Variants in STARD9 observed in about 807,000 individuals in gnomAD.
STARD9 encodes the protein StAR related lipid transfer domain containing 9.
In STARD9, 346 loss-of-function variants were observed where a neutral mutation model predicts 399.8. The ratio of observed to expected loss-of-function variants is 0.87; its 90% CI spans 0.79 to 0.95. The LOEUF (loss-of-function observed/expected upper bound fraction) is 0.95, where lower values mean the gene tolerates loss of function less well. Among genes scored for constraint, STARD9 ranks in the 40% least tolerant of loss-of-function variants. STARD9 has a pLI of 0.00. For missense variants in STARD9, 5,832 were observed against 5,667.5 expected (o/e 1.03, Z -0.93); for synonymous variants, 2,203 against 2,143.5 (o/e 1.03, Z -0.77).
rs2060722146 is a variant in STARD9 at position 42,692,091 on chromosome 15, C to T, written c.10513C>T (p.Leu3505=). The stretch of plus-strand genomic sequence containing the variant: ...CAGCCAGAAGCCCCAGGGGCTGACA[C>T]TATCAAATGTGGCCCGGTGCTCCAG... ...SCSQKPQGLT[L]SNVARCSSMD... is the part of the protein sequence containing the mutation. The change falls in exon 23 of 33, where the codon CTA becomes TTA. Residue 3505 remains leucine, a synonymous_variant. Transcript: ENST00000290607. 1 of 1,537,218 alleles carries T rather than the reference C, an allele frequency of 6.5e-7. No individual in the cohort carries two copies. Among genetic ancestry groups the T allele is most frequent in the East Asian group, 2.4e-5 (1 of 40,920 alleles).
intron 3 of STARD9, among the ~76,000 whole-genome samples, chr15:42,604,745 G>T (rs570305222): frequency 6.9e-6 from 1 of 143,960 alleles, no homozygotes; most frequent in South Asian, 2.3e-4. Context: ...CTGGGCTCAA[G>T]CAATCCTCCC....
chr15:42,618,753 C>T (rs9972577), intron 3 of STARD9, among the ~76,000 whole-genome samples: 2,432 of 151,832 alleles, frequency 0.016, 67 homozygotes, highest in African/African-American at 0.057. Flanking sequence ...TGCACCAGCA[C>T]GCCTGGCTAA....
At position 42,691,536 on chromosome 15, in the gene STARD9, T is replaced by C. The variant is rs2060701833; in HGVS notation, c.9958T>C (p.Ser3320Pro). 6.5e-7 allele frequency: 1 copy of C among 1,537,042 alleles called. No individual in the cohort carries two copies. The highest frequency in any genetic ancestry group is 8.7e-7 in the Non-Finnish European group (1 of 1,146,900). The change falls in exon 23 of 33, where the codon TCC (serine) becomes CCC (proline). Residue 3320 changes from serine to proline, a missense_variant. Physicochemically the swap from Ser to Pro is moderately conservative, Grantham distance 74 (BLOSUM62 -1). Coordinates refer to ENST00000290607, the MANE Select transcript of STARD9 (RefSeq NM_020759.3). ...TIFSGPKHSR[S>P]SPTPQFSVVG... Reference sequence around the variant, plus strand: ...CTTCTCTGGCCCCAAACACTCCAGGTCCTCCCCCACACCACAGTTCTCAGT... The same window carrying C: ...CTTCTCTGGCCCCAAACACTCCAGGCCCTCCCCCACACCACAGTTCTCAGT...
At chr15:42,704,877 C>G (rs1309546781) in intron 26 of STARD9, among the ~76,000 whole-genome samples, 1 of 151,928 alleles carries the variant, frequency 6.6e-6, no homozygotes, top group African/African-American at 2.4e-5. Context: ...ACAGCTGATG[C>G]TATGCAGGGC....
chr15:42,588,031 C>T (rs1040673891), intron 3 of STARD9, among the ~76,000 whole-genome samples: 13 of 152,144 alleles, frequency 8.5e-5, no homozygotes, highest in Admixed American at 2.6e-4. Context: ...GTATTTGTGG[C>T]GTAGAAGACA....
intron 3 of STARD9, among the ~76,000 whole-genome samples, chr15:42,618,333 A>T (rs374353102): frequency 1.3e-5 from 2 of 151,450 alleles, no homozygotes; most frequent in Admixed American, 1.3e-4. Flanking sequence ...GGGTCTCCCT[A>T]TGTTGCCCAG....
At chr15:42,585,172 C>T (rs542857673) in intron 2 of STARD9, among the ~76,000 whole-genome samples, 34 of 152,082 alleles carry the variant, frequency 2.2e-4, no homozygotes, top group African/African-American at 7.7e-4. Flanking sequence ...CAAAAAATTC[C>T]GAAACAGTTC....
At chr15:42,606,058 G>A (rs890077836) in intron 3 of STARD9, among the ~76,000 whole-genome samples, 5 of 152,276 alleles carry the variant, frequency 3.3e-5, no homozygotes, top group Non-Finnish European at 7.4e-5. Flanking sequence ...TTTGGAAAAT[G>A]TTCAAACCAG....
intron 3 of STARD9, among the ~76,000 whole-genome samples, chr15:42,630,776 T>C (rs1419304754): frequency 6.6e-6 from 1 of 152,168 alleles, no homozygotes; most frequent in African/African-American, 2.4e-5. Flanking sequence ...TAATGCTTCC[T>C]TTTTCATTTC....
At chr15:42,654,483 G>C (rs2059823727) in intron 9 of STARD9, among the ~76,000 whole-genome samples, 1 of 152,144 alleles carries the variant, frequency 6.6e-6, no homozygotes, top group African/African-American at 2.4e-5. Context: ...TAAAGAGGAA[G>C]TCAAACTGTT....
rs775454524 is a variant in STARD9 at position 42,693,155 on chromosome 15, C to G, written c.11577C>G (p.Pro3859=). The change falls in exon 23 of 33, where the codon CCC becomes CCG. Residue 3859 remains proline (P), a synonymous_variant. Coordinates refer to ENST00000290607, the MANE Select transcript of STARD9 (RefSeq NM_020759.3). ...EESYCLVVSS[P]SPSSPHSPGL... ...CATATTGCTTAGTTGTCAGCAGTCC[C>G]AGTCCCAGCTCCCCTCATTCCCCAG... is the stretch of plus-strand genomic sequence containing the variant. The G allele has an allele frequency of 1.3e-6, 2 of 1,537,166 alleles. No individual in the cohort carries two copies. Among genetic ancestry groups the G allele is most frequent in the Non-Finnish European group, 1.7e-6 (2 of 1,146,900 alleles).
chr15:42,610,174 A>T (rs2058819571), intron 3 of STARD9, among the ~76,000 whole-genome samples: 1 of 152,160 alleles, frequency 6.6e-6, no homozygotes, highest in Admixed American at 6.5e-5. Context: ...CAGCATAACC[A>T]TTGCTTTATG....
Position 42,690,387 on chromosome 15 carries a change from A to T in STARD9, c.8809A>T (p.Ser2937Cys), listed in dbSNP as rs1219943796. Residue 2937 changes from serine to cysteine, a missense_variant, in exon 23 of 33, where the codon AGC (serine) becomes TGC (cysteine). Ser to Cys is a moderately radical substitution (Grantham distance 112). This residue lies in a region of STARD9 where 5,828 missense variants were observed against 5,651.1 expected (regional missense o/e 1.03). Transcript: ENST00000290607. ...GPVFSRNPEG[S>C]RTLSPSRGKE... The stretch of plus-strand genomic sequence containing the variant: ...TGTCTTCTCAAGGAACCCTGAAGGC[A>T]GCAGGACTCTCAGCCCGTCTAGAGG... 7.8e-6 allele frequency: 12 copies of T among 1,534,904 alleles called. No homozygotes were observed. Among genetic ancestry groups the T allele is most frequent in the Non-Finnish European group, 1.0e-5 (12 of 1,146,908 alleles).
At chr15:42,591,626 G>T (rs999899733) in intron 3 of STARD9, among the ~76,000 whole-genome samples, 3 of 152,126 alleles carry the variant, frequency 2.0e-5, no homozygotes, top group African/African-American at 7.2e-5. Context: ...TCCTTATGGT[G>T]GTCTTTTTAT....
In STARD9 at chr15:42,616,015, G is replaced by A. The variant is rs118027222; in HGVS notation, c.235-18841G>A. 3.0e-3 allele frequency among the ~76,000 whole-genome samples: 458 copies of A among 152,240 alleles called. 2 individuals are homozygous for A. Among genetic ancestry groups the A allele is most frequent in the Non-Finnish European group, 5.7e-3 (391 of 68,014 alleles). On this transcript the variant is annotated intron_variant, in intron 3 of 32. Transcript: ENST00000290607. The stretch of plus-strand genomic sequence containing the variant: ...TTTGAGTACTTCAATGAGTAGGATT[G>A]GGGTGAGCTTTTTCTCAAACATTGT...
chr15:42,684,645 A>G lies in STARD9; in HGVS notation c.3067A>G (p.Lys1023Glu). ...HGPRQTAGHG[K>E]AVKTFWTEYK... ...ACCCAGGCAGACTGCTGGGCACGGA[A>G]AGGCAGTCAAGACTTTTTGGACAGA... The change falls in exon 23 of 33, where the codon AAG (lysine) becomes GAG (glutamate). Residue 1023 changes from lysine to glutamate, a missense_variant. Lys to Glu is a moderately conservative substitution (Grantham distance 56). Around this residue, in one of 2 missense-constraint regions of STARD9, gnomAD observed 5,828 missense variants for 5,651.1 expected, o/e 1.03. Coordinates refer to ENST00000290607, the MANE Select transcript of STARD9 (RefSeq NM_020759.3). The G allele has an allele frequency of 6.5e-7, 1 of 1,537,154 alleles. No homozygotes were observed. Among genetic ancestry groups the G allele is most frequent in the African/African-American group, 1.4e-5 (1 of 73,152 alleles).
At position 42,665,800 on chromosome 15, in the gene STARD9, A is replaced by T; in HGVS notation, c.1269A>T (p.Ser423=). The T allele has an allele frequency of 6.5e-7, 1 of 1,537,190 alleles. No homozygotes were observed. The highest frequency in any genetic ancestry group is 1.4e-5 in the African/African-American group (1 of 73,168). Residue 423 remains serine, a synonymous_variant, in exon 15 of 33, where the codon TCA becomes TCT. Transcript: ENST00000290607. The part of the protein sequence containing the change: ...LLSFELRNFS[S]LSDENLKELV... ...TCTTTGTGCAGAGAAACTTCAGTTCATTGAGTGATGAAAACCTGAAGGAGC... is the reference window on the plus strand; with the variant it reads ...TCTTTGTGCAGAGAAACTTCAGTTCTTTGAGTGATGAAAACCTGAAGGAGC...
In STARD9 at chr15:42,692,017, G is replaced by A. The variant is rs551824479; in HGVS notation, c.10439G>A (p.Arg3480His). The A allele has an allele frequency of 2.0e-5, 30 of 1,537,126 alleles. No homozygotes were observed. Among genetic ancestry groups the A allele is most frequent in the South Asian group, 4.8e-5 (4 of 84,070 alleles). Residue 3480 changes from arginine (R) to histidine (H), a missense_variant, in exon 23 of 33, where the codon CGT becomes CAT. Around this residue, in one of 2 missense-constraint regions of STARD9, gnomAD observed 5,828 missense variants for 5,651.1 expected, o/e 1.03. Coordinates refer to ENST00000290607, the MANE Select transcript of STARD9 (RefSeq NM_020759.3). Reference protein sequence around the residue: ...ALPWRPEEPARISWKQYMSGS... With the variant: ...ALPWRPEEPAHISWKQYMSGS... ...CCGTGGCGTCCGGAGGAGCCTGCAC[G>A]TATCAGCTGGAAGCAGTATATGTCT...
intron 3 of STARD9, among the ~76,000 whole-genome samples, chr15:42,626,700 C>T (rs1296863596): frequency 2.0e-5 from 3 of 149,414 alleles, no homozygotes; most frequent in South Asian, 4.2e-4. Context: ...TTAGTAGAGA[C>T]GGGGTTTCAC....
Sources: allele counts gnomAD v4.1 joint callset (sites outside exome capture counted in the v4.1 genomes callset), GRCh38; gene constraint gnomAD v4.1.1; regional missense constraint gnomAD v4.1.1; transcripts MANE v1.5; gene names NCBI Gene and HGNC (gene_info 2026-07-23, HGNC 2026-07-21).